The following SNTG1 variants were observed in gnomAD, a reference collection of about 807,000 sequenced individuals.
SNTG1 encodes the protein gamma-1-syntrophin.
In SNTG1, 39 loss-of-function variants were observed where a neutral mutation model predicts 74.7. The observed-to-expected ratio is 0.52, with a 90% CI of 0.40 to 0.68. The LOEUF is 0.68. SNTG1 is among the 30% of genes least tolerant of loss of function. SNTG1 has a pLI of 0.00. For synonymous variants in SNTG1, 254 were observed against 217.1 expected (o/e 1.17, Z -1.49); for missense variants, 685 against 609.5 (o/e 1.12, Z -1.30).
chr8:50,488,338 A>G (rs904026896), intron 8 of SNTG1, among the ~76,000 whole-genome samples: 1 of 152,204 alleles, frequency 6.6e-6, no homozygotes. Context: ...GCCACATATT[A>G]GGTGCTATGT....
At chr8:50,504,455 T>C (rs1304893512) in intron 9 of SNTG1, among the ~76,000 whole-genome samples, 1 of 152,178 alleles carries the variant, frequency 6.6e-6, no homozygotes, top group East Asian at 1.9e-4. Flanking sequence ...AAGAATTGAA[T>C]TGCTGAGTGA....
chr8:50,293,084 C>T (rs1221372838), intron 2 of SNTG1, among the ~76,000 whole-genome samples: 6 of 152,112 alleles, frequency 3.9e-5, no homozygotes, highest in African/African-American at 4.8e-5. Context: ...GAACAACCTG[C>T]GTGTAGCCTT....
At chr8:50,730,595 G>A (rs2095510640) in intron 17 of SNTG1, among the ~76,000 whole-genome samples, 2 of 152,176 alleles carry the variant, frequency 1.3e-5, no homozygotes, top group African/African-American at 4.8e-5. Flanking sequence ...GTCAGCATAT[G>A]TACCATTAAT....
intron 4 of SNTG1, among the ~76,000 whole-genome samples, chr8:50,432,989 C>G (rs2093256645): frequency 6.6e-6 from 1 of 151,940 alleles, no homozygotes; most frequent in African/African-American, 2.4e-5. Flanking sequence ...GGGGTTTCAC[C>G]ATGTCGGCCA....
intron 1 of SNTG1, among the ~76,000 whole-genome samples, chr8:49,973,200 C>A (rs1050506307): frequency 3.3e-5 from 5 of 152,106 alleles, no homozygotes; most frequent in African/African-American, 9.7e-5. Flanking sequence ...AAGATGAGTT[C>A]ATGTCCTTTG....
At chr8:50,465,876 G>T (rs2093605111) in intron 8 of SNTG1, among the ~76,000 whole-genome samples, 1 of 152,056 alleles carries the variant, frequency 6.6e-6, no homozygotes, top group Admixed American at 6.5e-5. Context: ...TCTACTATTT[G>T]TCAATTATTA....
At chr8:50,467,430 G>C (rs557200447) in intron 8 of SNTG1, among the ~76,000 whole-genome samples, 1 of 151,954 alleles carries the variant, frequency 6.6e-6, no homozygotes, top group Admixed American at 6.6e-5. Context: ...GCATAGAGTT[G>C]TTCACAGTGT....
At chr8:50,060,163 T>C (rs1265268520) in intron 1 of SNTG1, among the ~76,000 whole-genome samples, 2 of 152,168 alleles carry the variant, frequency 1.3e-5, no homozygotes, top group Non-Finnish European at 2.9e-5. Flanking sequence ...TGGAGACATA[T>C]CTATTCAGAT....
At chr8:50,523,437 G>A (rs1468136656) in intron 9 of SNTG1, among the ~76,000 whole-genome samples, 1 of 152,146 alleles carries the variant, frequency 6.6e-6, no homozygotes, top group African/African-American at 2.4e-5. Flanking sequence ...GATTTTAAGT[G>A]AGAGACTTGC....
intron 18 of SNTG1, among the ~76,000 whole-genome samples, chr8:50,755,099 C>T (rs146009471): frequency 6.6e-6 from 1 of 151,872 alleles, no homozygotes; most frequent in Non-Finnish European, 1.5e-5. Flanking sequence ...GATGAACTTA[C>T]AGTGACACAT....
intron 15 of SNTG1, among the ~76,000 whole-genome samples, chr8:50,658,965 A>G (rs985758326): frequency 1.1e-4 from 17 of 151,820 alleles, no homozygotes; most frequent in South Asian, 2.1e-4. Flanking sequence ...ATTCAGTTGA[A>G]AGTAGTCTGA....
chr8:50,296,326 C>A (rs936726343), intron 2 of SNTG1, among the ~76,000 whole-genome samples: 9 of 152,146 alleles, frequency 5.9e-5, no homozygotes, highest in Admixed American at 2.6e-4. Flanking sequence ...ACTTTTATTG[C>A]AGCACAATTT....
At chr8:50,365,104 T>C (rs2092072159) in intron 2 of SNTG1, among the ~76,000 whole-genome samples, 1 of 152,182 alleles carries the variant, frequency 6.6e-6, no homozygotes, top group Non-Finnish European at 1.5e-5. Flanking sequence ...TTAGAGTTCA[T>C]GTGAGAGTCA....
chr8:50,350,641 C>T (rs1436239985), intron 2 of SNTG1, among the ~76,000 whole-genome samples: 2 of 151,746 alleles, frequency 1.3e-5, no homozygotes, highest in Admixed American at 6.6e-5. Context: ...GTAAACACAC[C>T]AATCAGCACC....
chr8:50,242,981 T>C (rs1255708597), intron 2 of SNTG1, among the ~76,000 whole-genome samples: 1 of 152,182 alleles, frequency 6.6e-6, no homozygotes, highest in South Asian at 2.1e-4. Context: ...TTGAGATCTA[T>C]GAGTTTGTCT....
chr8:50,116,316 T>C (rs2080819268), intron 1 of SNTG1, among the ~76,000 whole-genome samples: 1 of 150,700 alleles, frequency 6.6e-6, no homozygotes, highest in Non-Finnish European at 1.5e-5. Context: ...AATGATTCTG[T>C]GAAGTAGGAT....
chr8:50,104,394 G>T (rs547305589), intron 1 of SNTG1, among the ~76,000 whole-genome samples: 5 of 152,266 alleles, frequency 3.3e-5, no homozygotes, highest in Admixed American at 6.5e-5. Flanking sequence ...ATTTCTGTGG[G>T]ATCGGTGCTG....
Position 50,361,617 on chromosome 8 carries a change from C to A in SNTG1, c.-27-32595C>A, listed in dbSNP as rs546578142. ...CACCCAGCTCAAACATTCTAAGGAG[C>A]ATCTTGAGGTCTGCAGAATCTTCTG... is the stretch of plus-strand genomic sequence containing the variant. On this transcript the variant is annotated intron_variant, in intron 2 of 18. Coordinates refer to ENST00000642720, the MANE Select transcript of SNTG1 (RefSeq NM_018967.5). 5.9e-5 allele frequency among the ~76,000 whole-genome samples: 9 copies of A among 152,232 alleles called. No individual in the cohort carries two copies. The South Asian group carries it at 1.9e-3, about 32-fold the overall frequency.
chr8:50,522,396 C>A (rs1258132578), intron 9 of SNTG1, among the ~76,000 whole-genome samples: 1 of 152,064 alleles, frequency 6.6e-6, no homozygotes, highest in African/African-American at 2.4e-5. Context: ...ATGCTGCCAT[C>A]TAGGCCTTGT....
Sources: gnomAD v4.1 joint callset for allele counts (sites outside exome capture counted in the v4.1 genomes callset) on GRCh38, gnomAD v4.1.1 for gene constraint, MANE v1.5 for transcripts, NCBI Gene and HGNC (gene_info 2026-07-23, HGNC 2026-07-21) for gene names.